ZP3: variants seen among roughly 807,000 people sequenced by gnomAD.
The protein encoded by ZP3 is zona pellucida glycoprotein 3, also known as zona pellucida sperm-binding protein 3.
ZP3 carries 21 observed loss-of-function variants against 35.6 expected under a neutral mutation model. That is an observed-to-expected ratio of 0.59 (90% CI 0.42 to 0.85). The LOEUF is 0.85. Among genes scored for constraint, ZP3 ranks in the 40% least tolerant of loss-of-function variants. The pLI is 0.00. For synonymous variants in ZP3, 207 were observed against 214.5 expected (o/e 0.96, Z 0.31); for missense variants, 437 against 536.5 (o/e 0.81, Z 1.83).
intron 1 of ZP3, among the ~76,000 whole-genome samples, chr7:76,404,668 T>C (rs1456748747): frequency 2.0e-5 from 3 of 152,110 alleles, no homozygotes; most frequent in African/African-American, 7.2e-5. Context: ...TGGTGGCTTA[T>C]GCCTGTAATC....
At chr7:76,437,459 C>G (rs1247927801) in intron 5 of ZP3, among the ~76,000 whole-genome samples, 1 of 149,130 alleles carries the variant, frequency 6.7e-6, no homozygotes, top group Non-Finnish European at 1.5e-5. Context: ...CATGAGCTAT[C>G]ACACTCCCCT....
intron 1 of ZP3, among the ~76,000 whole-genome samples, chr7:76,427,257 C>G (rs1251743934): frequency 6.6e-6 from 1 of 152,128 alleles, no homozygotes; most frequent in East Asian, 1.9e-4. Flanking sequence ...TGGCTCACGC[C>G]TGTAATCCCA....
In ZP3 at chr7:76,415,525, G is replaced by A. The variant is rs185329774; in HGVS notation, c.-66-9527G>A. ...TTTATTTTTTTTGAGACAGAGTCTC[G>A]CTTTGTCACCCAGGCTGGAGTGCAG... On this transcript the variant is annotated intron_variant, in intron 1 of 8. Transcript: ENST00000336517. Among the ~76,000 whole-genome samples, 1,339 of 150,466 alleles carry A rather than the reference G, an allele frequency of 8.9e-3. 10 individuals carry two copies. The highest frequency in any genetic ancestry group is 0.017 in the Middle Eastern group (5 of 290).
intron 3 of ZP3, 142 bp downstream of exon 3, chr7:76,433,172 T>TGG (rs1563701424): frequency 1.7e-5 from 13 of 786,350 alleles, no homozygotes; most frequent in African/African-American, 3.5e-5. Flanking sequence ...TGGTTGGTTT[T>TGG]TGAGACAGTC....
chr7:76,420,740 T>G (rs1429444196), upstream of ZP3, among the ~76,000 whole-genome samples: 1 of 152,140 alleles, frequency 6.6e-6, no homozygotes, highest in African/African-American at 2.4e-5. Context: ...CTTTTTATTT[T>G]GAAATTAAAC....
chr7:76,422,866 C>T (rs1022023046), upstream of ZP3, among the ~76,000 whole-genome samples: 8 of 149,650 alleles, frequency 5.3e-5, no homozygotes, highest in Non-Finnish European at 1.2e-4. Flanking sequence ...GGCATGGTGA[C>T]GGGTGCCTGT....
chr7:76,424,940 G>A (rs1052246048), upstream of ZP3: 15 of 1,497,462 alleles, frequency 1.0e-5, no homozygotes, highest in Admixed American at 2.1e-5. Context: ...GGCCAGAGGC[G>A]GCTGCCTGCT....
At chr7:76,399,067 A>G (rs1257552736) in intron 1 of ZP3, among the ~76,000 whole-genome samples, 1 of 152,062 alleles carries the variant, frequency 6.6e-6, no homozygotes, top group Non-Finnish European at 1.5e-5. Context: ...GCTGGAGTGC[A>G]ATGGTGCAAT....
In ZP3 at chr7:76,432,281, G is replaced by A. The variant is rs924501452; in HGVS notation, c.432-646G>A. Among the ~76,000 whole-genome samples, 2 of 151,448 alleles carry A rather than the reference G, an allele frequency of 1.3e-5. 1 individual carries two copies. The highest frequency in any genetic ancestry group is 4.8e-5 in the African/African-American group (2 of 41,310). On this transcript the variant is annotated intron_variant, in intron 2 of 7. Transcript: ENST00000394857. Reference sequence around the variant, plus strand: ...TCAGCTCACTGCAAACTCCACCTCCGAGGTTCACGCCATTCTCCTGCCTCA... The same window carrying A: ...TCAGCTCACTGCAAACTCCACCTCCAAGGTTCACGCCATTCTCCTGCCTCA...
At chr7:76,431,791 T>C (rs1299158717) in intron 2 of ZP3, among the ~76,000 whole-genome samples, 1 of 151,502 alleles carries the variant, frequency 6.6e-6, no homozygotes, top group East Asian at 1.9e-4. Flanking sequence ...CCCAGCTATT[T>C]GGGAGGCTGA....
At chr7:76,419,659 CTT>C (rs1491542514) in intron 1 of ZP3, among the ~76,000 whole-genome samples, 3 of 119,296 alleles carry the variant, frequency 2.5e-5, no homozygotes, top group Admixed American at 8.6e-5. Context: ...CTCTCTCTCT[CTT>C]TCTTTCTTTC....
chr7:76,427,239 G>T (rs888280011), intron 1 of ZP3, among the ~76,000 whole-genome samples: 1 of 152,110 alleles, frequency 6.6e-6, no homozygotes, highest in South Asian at 2.1e-4. Flanking sequence ...GCGGCTGGCC[G>T]TGCGCAGTGG....
chr7:76,398,762 A>T, intron 1 of ZP3: 1 of 1,613,470 alleles, frequency 6.2e-7, no homozygotes, highest in Admixed American at 1.7e-5. Context: ...CTACTGGTTA[A>T]CATCTTCCTT....
chr7:76,420,157 C>A (rs187782155), upstream of ZP3, among the ~76,000 whole-genome samples: 152 of 151,094 alleles, frequency 1.0e-3, no homozygotes, highest in Non-Finnish European at 1.9e-3. Context: ...TCCTATTCCT[C>A]TTCCTCTTCT....
chr7:76,420,906 C>T (rs1359292493), upstream of ZP3, among the ~76,000 whole-genome samples: 8 of 144,606 alleles, frequency 5.5e-5, no homozygotes, highest in Middle Eastern at 3.6e-3. Context: ...TATATTTCCA[C>T]GTGTGTGTGT....
intron 7 of ZP3, among the ~76,000 whole-genome samples, chr7:76,440,816 C>T (rs116644195): frequency 2.0e-5 from 3 of 151,666 alleles, no homozygotes; most frequent in Admixed American, 6.6e-5. Context: ...CCAGGGAGAT[C>T]TGCTGTCATC....
chr7:76,403,695 T>C (rs1192098337), intron 1 of ZP3, among the ~76,000 whole-genome samples: 3 of 145,474 alleles, frequency 2.1e-5, no homozygotes, highest in African/African-American at 5.1e-5. Context: ...AGAGTCTCGC[T>C]CTGTCACCCA....
intron 1 of ZP3, among the ~76,000 whole-genome samples, chr7:76,406,247 G>A (rs1805028008): frequency 6.6e-6 from 1 of 152,066 alleles, no homozygotes; most frequent in Non-Finnish European, 1.5e-5. Flanking sequence ...CAAAGTGCTG[G>A]GATTACAGGC....
chr7:76,405,339 C>CTTTCTTTCTTTCTTTCTTTCTTTT (rs1271510975), intron 1 of ZP3, among the ~76,000 whole-genome samples: 1 of 21,394 alleles, frequency 4.7e-5, no homozygotes, highest in Admixed American at 6.1e-4. Context: ...TTCTTTCTTT[C>CTTTCTTTCTTTCTTTCTTTCTTTT]TTTTTTTTTT....
Sources: gnomAD v4.1 joint callset for allele counts (sites outside exome capture counted in the v4.1 genomes callset) on GRCh38, gnomAD v4.1.1 for gene constraint, MANE v1.5 for transcripts, NCBI Gene and HGNC (gene_info 2026-07-23, HGNC 2026-07-21) for gene names.